Variants in AKAP13 observed in about 807,000 individuals in gnomAD.
The protein encoded by AKAP13 is A-kinase anchoring protein 13.
AKAP13 carries 80 observed loss-of-function variants against 264.5 expected under a neutral mutation model. The observed-to-expected ratio is 0.30, with a 90% CI of 0.25 to 0.36. The LOEUF is 0.36. Among genes scored for constraint, AKAP13 ranks in the 10% least tolerant of loss-of-function variants. The pLI is 1.00. For missense variants in AKAP13, 3,712 were observed against 3,435.2 expected, an observed-to-expected ratio of 1.08 and a Z score of -2.01; for synonymous variants, 1,380 against 1,250.2, an observed-to-expected ratio of 1.10 and a Z score of -2.19.
At position 85,655,653 on chromosome 15, in the gene AKAP13, G is replaced by C. The variant is rs897795240; in HGVS notation, c.4611G>C (p.Glu1537Asp). ...PADPGDVEEE[E>D]MDSITEVPAN... ...ACCCAGGCGACGTGGAGGAGGAGGA[G>C]ATGGACAGTATCACTGAAGTGCCTG... Residue 1537 changes from glutamate to aspartate, a missense_variant, in exon 11 of 37, where the codon GAG becomes GAC. Glu to Asp is a conservative substitution (Grantham distance 45). This residue lies in a region of AKAP13 where 2,759 missense variants were observed against 2,411.7 expected (regional missense o/e 1.14). Coordinates refer to ENST00000394518, the MANE Select transcript of AKAP13 (RefSeq NM_007200.5). 2 of 1,614,206 alleles carry C rather than the reference G, an allele frequency of 1.2e-6. No homozygotes were observed. Among genetic ancestry groups the C allele is most frequent in the Non-Finnish European group, 1.7e-6 (2 of 1,180,036 alleles).
chr15:85,744,734 T>A lies in AKAP13; in HGVS notation c.*57T>A. The A allele has an allele frequency of 6.7e-7, 1 of 1,500,388 alleles. No individual in the cohort carries two copies. Among genetic ancestry groups the A allele is most frequent in the Non-Finnish European group, 9.0e-7 (1 of 1,109,266 alleles). 92.9% of individuals were successfully genotyped at this position (1,500,388 alleles called of 1,614,324 possible). ...CTGATCCTGGCCAGCCCACCTCTCCTGCTGTCCCCGCGTGCACAAGTCTCT... is the reference window on the plus strand; with the variant it reads ...CTGATCCTGGCCAGCCCACCTCTCCAGCTGTCCCCGCGTGCACAAGTCTCT... On this transcript the variant is annotated 3_prime_UTR_variant, in exon 37 of 37. Transcript: ENST00000394518.
At chr15:85,615,435 C>T (rs77082009) in intron 8 of AKAP13, among the ~76,000 whole-genome samples, 2 of 21,830 alleles carry the variant, frequency 9.2e-5, no homozygotes, top group Non-Finnish European at 2.3e-4. Flanking sequence ...TGGAGACGAT[C>T]CTTTGCAGCC....
At chr15:85,420,269 A>G (rs1416176009) in intron 1 of AKAP13, among the ~76,000 whole-genome samples, 1 of 151,494 alleles carries the variant, frequency 6.6e-6, no homozygotes, top group Non-Finnish European at 1.5e-5. Context: ...CTCTTTTAAC[A>G]GTATTCTGAT....
chr15:85,661,359 T>C (rs1229821231), intron 12 of AKAP13, among the ~76,000 whole-genome samples: 3 of 152,216 alleles, frequency 2.0e-5, no homozygotes, highest in East Asian at 3.9e-4. Context: ...GTAGGAAAAA[T>C]GGAAACAAAC....
At chr15:85,728,652 C>G (rs1344209376) in intron 29 of AKAP13, among the ~76,000 whole-genome samples, 1 of 152,094 alleles carries the variant, frequency 6.6e-6, no homozygotes, top group African/African-American at 2.4e-5. Flanking sequence ...CACAGAGAAG[C>G]TGGTGCATGA....
chr15:85,413,926 A>G (rs1446096797), intron 1 of AKAP13, among the ~76,000 whole-genome samples: 2 of 152,126 alleles, frequency 1.3e-5, no homozygotes, highest in African/African-American at 4.8e-5. Flanking sequence ...ATACTCCTCT[A>G]TTAAAGAATA....
rs150991868 is a variant in AKAP13, at chr15:85,513,798, A to G, written c.34-7630A>G. Among the ~76,000 whole-genome samples, 208 of 88,502 alleles carry G rather than the reference A, an allele frequency of 2.4e-3. 51 individuals carry two copies. Among genetic ancestry groups the G allele is most frequent in the African/African-American group, 0.011 (198 of 17,800 alleles). The allele number at this position is 88,502 out of a possible 152,430, so 58.1% of individuals were successfully genotyped here. A position where few individuals can be genotyped will look rare whatever the true frequency, so the allele number is the denominator to read the frequency against. ...TGTCTTTTCCGATTTTGAAGAATAC[A>G]GTGCCCTCTCCTCTTGCTTAATAGA... On this transcript the variant is annotated intron_variant, in intron 2 of 36. Coordinates refer to ENST00000394518, the MANE Select transcript of AKAP13 (RefSeq NM_007200.5).
At chr15:85,487,226 C>T (rs969026925) in intron 2 of AKAP13, among the ~76,000 whole-genome samples, 1 of 152,170 alleles carries the variant, frequency 6.6e-6, no homozygotes, top group Non-Finnish European at 1.5e-5. Context: ...CGTTTTCTTC[C>T]TTTCCAATCT....
chr15:85,441,572 C>G (rs1425448435), intron 1 of AKAP13, among the ~76,000 whole-genome samples: 1 of 152,022 alleles, frequency 6.6e-6, no homozygotes, highest in African/African-American at 2.4e-5. Context: ...TCTAAGGGAT[C>G]TTTGCCTTAG....
chr15:85,676,287 G>A (rs1023431885), intron 14 of AKAP13, among the ~76,000 whole-genome samples: 4 of 152,176 alleles, frequency 2.6e-5, no homozygotes, highest in Non-Finnish European at 4.4e-5. Flanking sequence ...GTGGCAATAG[G>A]GGAGGAATAG....
rs1394761166 is a variant in AKAP13 at position 85,578,941 on chromosome 15, C to A, written c.873C>A (p.Leu291=). 4 of 1,607,542 alleles carry A rather than the reference C, an allele frequency of 2.5e-6. No homozygotes were observed. Among genetic ancestry groups the A allele is most frequent in the Non-Finnish European group, 3.4e-6 (4 of 1,174,966 alleles). ...NIQQQLMKTN[L]KQMDSLMPLM... is the part of the protein sequence containing the mutation. The stretch of plus-strand genomic sequence containing the variant: ...TCATTTCCTCCTAGAAAACAAACCT[C>A]AAGCAGATGGACAGTCTTATGCCCT... The change falls in exon 7 of 37, where the codon CTC becomes CTA. Residue 291 remains leucine, a synonymous_variant. Transcript: ENST00000394518.
intron 17 of AKAP13, among the ~76,000 whole-genome samples, chr15:85,693,906 A>G (rs7167047): frequency 1.4e-4 from 21 of 152,248 alleles, no homozygotes; most frequent in African/African-American, 5.1e-4. Context: ...AGGCCAGGCT[A>G]AACTATGATG....
Position 85,715,805 on chromosome 15 carries a change from C to A in AKAP13, c.5617C>A (p.Arg1873Ser). The A allele has an allele frequency of 6.2e-7, 1 of 1,611,704 alleles. No homozygotes were observed. Among genetic ancestry groups the A allele is most frequent in the South Asian group, 1.1e-5 (1 of 90,782 alleles). The change falls in exon 20 of 37, where the codon CGT becomes AGT. Residue 1873 changes from arginine to serine, a missense_variant. Physicochemically the swap from Arg to Ser is moderately radical, Grantham distance 110 (BLOSUM62 -1). Transcript: ENST00000394518. Reference protein sequence around the residue: ...MRNKPSQPKERPRSAVLLVDE... With the variant: ...MRNKPSQPKESPRSAVLLVDE... The stretch of plus-strand genomic sequence containing the variant: ...TTTTGCAGCCTCACAGCCCAAGGAG[C>A]GTCCTCGGTCCGCAGTCCTCCTGGT...
rs1275570981 is a variant in AKAP13 at position 85,588,456 on chromosome 15, T to G, written c.4161+2633T>G. ...GAAGGAAAAAACTCACATCCTTGAA[T>G]TCAAATACCTCTGTTTCTTAGTACT... On this transcript the variant is annotated intron_variant, in intron 8 of 36. Coordinates refer to ENST00000394518, the MANE Select transcript of AKAP13 (RefSeq NM_007200.5). 2.0e-5 allele frequency among the ~76,000 whole-genome samples: 3 copies of G among 152,334 alleles called. No homozygotes were observed. In the East Asian group the frequency reaches 5.8e-4, roughly 29 times the overall value.
chr15:85,719,460 T>C (rs2087144916), intron 23 of AKAP13, 134 bp downstream of exon 23: 1 of 1,214,992 alleles, frequency 8.2e-7, no homozygotes, highest in Non-Finnish European at 1.1e-6. Context: ...ATTTAATTTC[T>C]CTGGAGCCTT....
intron 1 of AKAP13, among the ~76,000 whole-genome samples, chr15:85,426,214 C>T (rs2072769694): frequency 6.6e-6 from 1 of 152,174 alleles, no homozygotes; most frequent in Non-Finnish European, 1.5e-5. Context: ...GGGTCCCTCA[C>T]TTAGTCTAAA....
At chr15:85,570,325 C>G (rs1338665752) in intron 5 of AKAP13, among the ~76,000 whole-genome samples, 1 of 150,806 alleles carries the variant, frequency 6.6e-6, no homozygotes, top group Non-Finnish European at 1.5e-5. Flanking sequence ...GTGGCACACG[C>G]CCTGTAATCC....
chr15:85,726,432 T>G lies in AKAP13; in HGVS notation c.6768T>G (p.Thr2256=). 6.2e-7 allele frequency: 1 copy of G among 1,613,860 alleles called. No homozygotes were observed. The highest frequency in any genetic ancestry group is 8.5e-7 in the Non-Finnish European group (1 of 1,179,798). Residue 2256 remains threonine, a synonymous_variant, in exon 27 of 37, where the codon ACT becomes ACG. Coordinates refer to ENST00000394518, the MANE Select transcript of AKAP13 (RefSeq NM_007200.5). Reference sequence around the variant, plus strand: ...CAGAGGTTCAAGCAGTTCTTCTCACTGACATTTTAGTTTTCCTTCAAGAAA... The same window carrying G: ...CAGAGGTTCAAGCAGTTCTTCTCACGGACATTTTAGTTTTCCTTCAAGAAA... ...RLKEVQAVLL[T]DILVFLQEKD...
chr15:85,447,438 A>G (rs2073940531), intron 1 of AKAP13, among the ~76,000 whole-genome samples: 1 of 152,094 alleles, frequency 6.6e-6, no homozygotes, highest in Admixed American at 6.6e-5. Context: ...AACACATGTC[A>G]CGGGTGTTTG....
Sources: allele counts gnomAD v4.1 joint callset (sites outside exome capture counted in the v4.1 genomes callset), GRCh38; gene constraint gnomAD v4.1.1; regional missense constraint gnomAD v4.1.1; transcripts MANE v1.5; gene names NCBI Gene and HGNC (gene_info 2026-07-23, HGNC 2026-07-21).